PRKCB: variants seen among roughly 807,000 people sequenced by gnomAD.
PRKCB encodes the protein protein kinase C beta type.
In PRKCB, 13 loss-of-function variants were observed where a neutral mutation model predicts 81.5. That is an observed-to-expected ratio of 0.16 (90% CI 0.10 to 0.25). PRKCB has a LOEUF of 0.25. Among genes scored for constraint, PRKCB ranks in the 10% least tolerant of loss-of-function variants. The pLI is 1.00. For synonymous variants in PRKCB, 335 were observed against 321.4 expected, an observed-to-expected ratio of 1.04 and a Z score of -0.45; for missense variants, 509 against 875.7, an observed-to-expected ratio of 0.58 and a Z score of 5.29.
rs11861776 is a variant in PRKCB, at chr16:23,939,771, A to C, written c.206-48737A>C. Among the ~76,000 whole-genome samples, 158 of 152,336 alleles carry C rather than the reference A, an allele frequency of 1.0e-3. No individual in the cohort carries two copies. In the Middle Eastern group the frequency reaches 0.014, roughly 13 times the overall value. On this transcript the variant is annotated intron_variant, in intron 2 of 16. Coordinates refer to ENST00000643927, the MANE Select transcript of PRKCB (RefSeq NM_002738.7). ...ACTTTTAGAAGAAAACATAGGAGAA[A>C]ATTTTTGGAATCTAGGGTCAGGGAA... is the stretch of plus-strand genomic sequence containing the variant.
chr16:24,096,665 AAATAT>A (rs1449506633), intron 7 of PRKCB, among the ~76,000 whole-genome samples: 150 of 39,224 alleles, frequency 3.8e-3, no homozygotes, highest in African/African-American at 0.013. Flanking sequence ...AAAAAAAAAA[AAATAT>A]ATATATATAT....
At chr16:23,923,290 T>C (rs756060704) in intron 2 of PRKCB, among the ~76,000 whole-genome samples, 3 of 151,970 alleles carry the variant, frequency 2.0e-5, no homozygotes, top group Non-Finnish European at 2.9e-5. Flanking sequence ...TCTCTGCTTA[T>C]GTATTGGCTC....
At chr16:24,151,796 G>A (rs1967083181) in intron 9 of PRKCB, 5 of 455,924 alleles carry the variant, frequency 1.1e-5, no homozygotes, top group Admixed American at 7.0e-5. Context: ...TTTCAGAACA[G>A]TCATTAGCTG....
intron 3 of PRKCB, among the ~76,000 whole-genome samples, chr16:24,008,773 G>A (rs1965162331): frequency 6.6e-6 from 1 of 152,158 alleles, no homozygotes; most frequent in Non-Finnish European, 1.5e-5. Context: ...GATGATGGAT[G>A]CAGTACGAGA....
At chr16:24,059,147 G>C (rs989437791) in intron 5 of PRKCB, among the ~76,000 whole-genome samples, 1 of 152,164 alleles carries the variant, frequency 6.6e-6, no homozygotes, top group Non-Finnish European at 1.5e-5. Context: ...ACTGTGTCCA[G>C]TAGGCAGATG....
At chr16:23,889,162 C>G (rs1466107823) in intron 2 of PRKCB, among the ~76,000 whole-genome samples, 1 of 141,854 alleles carries the variant, frequency 7.0e-6, no homozygotes, top group Non-Finnish European at 1.5e-5. Context: ...ATCCATCCAT[C>G]CATCCATCCG....
chr16:24,174,175 AT>A (rs1009273962), intron 11 of PRKCB: 29 of 189,776 alleles, frequency 1.5e-4, no homozygotes, highest in African/African-American at 3.5e-4. Context: ...ACACCCAGTT[AT>A]TTTTTTTCTT....
intron 2 of PRKCB, among the ~76,000 whole-genome samples, chr16:23,983,273 C>T (rs927639759): frequency 2.0e-5 from 3 of 152,170 alleles, no homozygotes; most frequent in African/African-American, 4.8e-5. Context: ...ATTTGATTTG[C>T]ACAACTTTTC....
chr16:23,858,405 A>T (rs977981033), intron 2 of PRKCB, among the ~76,000 whole-genome samples: 1 of 152,162 alleles, frequency 6.6e-6, no homozygotes, highest in Non-Finnish European at 1.5e-5. Context: ...GCAACCAGGA[A>T]GGATCTGGTA....
intron 16 of PRKCB, among the ~76,000 whole-genome samples, chr16:24,213,972 T>A (rs192921852): frequency 1.3e-4 from 20 of 152,324 alleles, no homozygotes; most frequent in African/African-American, 4.8e-4. Flanking sequence ...TCCTTCCTAA[T>A]TGAAGAGGGA....
chr16:23,997,467 C>A (rs1279252083), intron 3 of PRKCB, among the ~76,000 whole-genome samples: 2 of 152,112 alleles, frequency 1.3e-5, no homozygotes, highest in Non-Finnish European at 2.9e-5. Context: ...AAAGGGAATA[C>A]AGAATAGGTA....
intron 8 of PRKCB, among the ~76,000 whole-genome samples, chr16:24,116,428 G>T (rs181720060): frequency 2.0e-5 from 3 of 152,102 alleles, no homozygotes; most frequent in Admixed American, 2.0e-4. Context: ...AATAAAAAAA[G>T]AAATAGCACT....
rs181996320 is a variant in PRKCB, at chr16:24,029,441, G to T, written c.289-2695G>T. Among the ~76,000 whole-genome samples, 152 of 152,292 alleles carry T rather than the reference G, an allele frequency of 1.0e-3. No individual in the cohort carries two copies. In the Middle Eastern group the frequency reaches 0.024, roughly 24 times the overall value. On this transcript the variant is annotated intron_variant, in intron 3 of 16. Coordinates refer to ENST00000643927, the MANE Select transcript of PRKCB (RefSeq NM_002738.7). ...GCACTTCTCCTTCCTGCTGCTTTGT[G>T]AAGAAGGTGCCTTGCTTTCCCTTCG...
At chr16:24,057,521 C>T (rs1341300005) in intron 5 of PRKCB, among the ~76,000 whole-genome samples, 1 of 152,166 alleles carries the variant, frequency 6.6e-6, no homozygotes, top group Admixed American at 6.5e-5. Flanking sequence ...TTGCTAGATA[C>T]TGGATGGCTG....
At chr16:24,067,306 T>C (rs1206154197) in intron 5 of PRKCB, among the ~76,000 whole-genome samples, 1 of 152,102 alleles carries the variant, frequency 6.6e-6, no homozygotes, top group Non-Finnish European at 1.5e-5. Context: ...TGTCTGTTTT[T>C]TTAAAATTTT....
At chr16:24,045,136 C>A (rs1332418146) in intron 5 of PRKCB, among the ~76,000 whole-genome samples, 1 of 151,952 alleles carries the variant, frequency 6.6e-6, no homozygotes, top group Non-Finnish European at 1.5e-5. Context: ...ACAGAAAAAT[C>A]TCCAAATAGG....
intron 2 of PRKCB, among the ~76,000 whole-genome samples, chr16:23,945,815 G>A (rs1964198810): frequency 6.6e-6 from 1 of 152,152 alleles, no homozygotes; most frequent in South Asian, 2.1e-4. Flanking sequence ...GCTTGCCACT[G>A]GTCAGTTTCC....
chr16:23,994,878 A>T (rs936401052), intron 3 of PRKCB, among the ~76,000 whole-genome samples: 69 of 152,352 alleles, frequency 4.5e-4, no homozygotes, highest in African/African-American at 1.7e-3. Flanking sequence ...GTCGTATGTC[A>T]TAATTTAGTT....
At chr16:24,020,332 G>A (rs1160334641) in intron 3 of PRKCB, among the ~76,000 whole-genome samples, 7 of 152,116 alleles carry the variant, frequency 4.6e-5, no homozygotes, top group African/African-American at 1.7e-4. Context: ...AAAATATCAA[G>A]TAAATATTAT....
Sources: gnomAD v4.1 joint callset for allele counts (sites outside exome capture counted in the v4.1 genomes callset) on GRCh38, gnomAD v4.1.1 for gene constraint, MANE v1.5 for transcripts, NCBI Gene and HGNC (gene_info 2026-07-23, HGNC 2026-07-21) for gene names.